Variants in CDH13 observed in about 807,000 individuals in gnomAD.
The protein encoded by CDH13 is cadherin-13.
In CDH13, 24 loss-of-function variants were observed where a neutral mutation model predicts 63.8. The observed-to-expected ratio is 0.38, with a 90% CI of 0.27 to 0.53. The LOEUF (loss-of-function observed/expected upper bound fraction) is 0.53. Ranked by LOEUF, CDH13 falls within the 20% of genes least tolerant of loss-of-function variation. The pLI, the probability that CDH13 is intolerant of heterozygous loss-of-function variation, is 0.85. For synonymous variants in CDH13, 503 were observed against 355.3 expected, an observed-to-expected ratio of 1.42 and a Z score of -4.67; for missense variants, 1,049 against 903.1, an observed-to-expected ratio of 1.16 and a Z score of -2.07.
chr16:83,281,997 T>C (rs2089189930), intron 5 of CDH13, among the ~76,000 whole-genome samples: 2 of 152,166 alleles, frequency 1.3e-5, no homozygotes, highest in South Asian at 4.1e-4. Context: ...TCTCTTCTTT[T>C]CACTTGAACA....
chr16:83,679,648 A>G (rs893737628), intron 10 of CDH13, among the ~76,000 whole-genome samples: 2 of 152,330 alleles, frequency 1.3e-5, no homozygotes, highest in East Asian at 3.9e-4. Context: ...TTGCTATCTG[A>G]CAATGGAAAC....
intron 7 of CDH13, among the ~76,000 whole-genome samples, chr16:83,552,484 G>A (rs1035905475): frequency 6.6e-6 from 1 of 152,176 alleles, no homozygotes; most frequent in Non-Finnish European, 1.5e-5. Flanking sequence ...CCGTCTCCTA[G>A]TCAGGCATTA....
chr16:83,365,691 A>G (rs558693746), intron 6 of CDH13, among the ~76,000 whole-genome samples: 1 of 152,182 alleles, frequency 6.6e-6, no homozygotes, highest in Non-Finnish European at 1.5e-5. Flanking sequence ...TTTAAAGCAG[A>G]AGAGGAAGGC....
rs67312035 is a variant in CDH13 at position 83,043,490 on chromosome 16, A to AGTGTGTGT, written c.366+11303_366+11310dup. 3.0e-3 allele frequency among the ~76,000 whole-genome samples: 394 copies of AGTGTGTGT among 132,224 alleles called. 2 individuals are homozygous for AGTGTGTGT. The highest frequency in any genetic ancestry group is 9.6e-3 in the African/African-American group (374 of 38,976). 86.7% of individuals were successfully genotyped at this position (132,224 alleles called of 152,430 possible). On this transcript the variant is annotated intron_variant, in intron 3 of 13. Coordinates refer to ENST00000567109, the MANE Select transcript of CDH13 (RefSeq NM_001257.5). Reference sequence around the variant, plus strand: ...AATTTATATAATAACTGTATATATGAGTGTGTGTGTGTGTGTGTGTGTGTG... The same window carrying AGTGTGTGT: ...AATTTATATAATAACTGTATATATGAGTGTGTGTGTGTGTGTGTGTGTGTGTGTGTGTG...
chr16:83,668,292 C>G (rs1217560778), intron 8 of CDH13, among the ~76,000 whole-genome samples: 1 of 152,182 alleles, frequency 6.6e-6, no homozygotes, highest in Non-Finnish European at 1.5e-5. Context: ...TAGCACCATG[C>G]AAGAGACTGG....
chr16:83,697,248 T>A (rs1905529601), intron 10 of CDH13, among the ~76,000 whole-genome samples: 2 of 152,222 alleles, frequency 1.3e-5, no homozygotes, highest in African/African-American at 4.8e-5. Flanking sequence ...ACAGTTGAGC[T>A]CAAACAAGGC....
At chr16:83,101,154 A>AAT (rs1048162689) in intron 3 of CDH13, among the ~76,000 whole-genome samples, 2 of 151,604 alleles carry the variant, frequency 1.3e-5, no homozygotes, top group African/African-American at 4.8e-5. Flanking sequence ...TTACATTTAT[A>AAT]ATATATATTT....
At chr16:83,413,403 C>T (rs567784106) in intron 6 of CDH13, among the ~76,000 whole-genome samples, 1 of 152,150 alleles carries the variant, frequency 6.6e-6, no homozygotes, top group Non-Finnish European at 1.5e-5. Context: ...CACTCCTCCT[C>T]CATAGTCCAT....
intron 10 of CDH13, among the ~76,000 whole-genome samples, chr16:83,697,521 G>T (rs1905563561): frequency 1.3e-5 from 2 of 152,216 alleles, no homozygotes; most frequent in African/African-American, 4.8e-5. Flanking sequence ...TGCAATGTTA[G>T]TGATCAACTG....
rs1161130563 is a variant in CDH13 at position 83,307,060 on chromosome 16, A to G, written c.637-37802A>G. On this transcript the variant is annotated intron_variant, in intron 5 of 13. Transcript: ENST00000567109. ...AGCTCTTCAAAGTTCAGCTCCACAT[A>G]TAAGCTACAGTTGGGTGGGGCTGTC... is the stretch of plus-strand genomic sequence containing the variant. Among the ~76,000 whole-genome samples the G allele has an allele frequency of 3.3e-5, 5 of 152,308 alleles. No homozygotes were observed. The East Asian group carries it at 5.8e-4, about 18-fold the overall frequency.
At chr16:83,286,384 G>A (rs772904222) in intron 5 of CDH13, among the ~76,000 whole-genome samples, 71 of 152,154 alleles carry the variant, frequency 4.7e-4, no homozygotes, top group Non-Finnish European at 2.8e-4. Context: ...GTATGTTTGT[G>A]TAGAATTTAA....
chr16:83,135,687 G>C (rs2036250846), intron 4 of CDH13, among the ~76,000 whole-genome samples: 2 of 152,200 alleles, frequency 1.3e-5, no homozygotes. Context: ...TCTACCCAGA[G>C]GAAAAGAAGT....
chr16:83,781,102 C>T lies in CDH13; in HGVS notation c.1915+901C>T, dbSNP rs1915489576. Among the ~76,000 whole-genome samples the T allele has an allele frequency of 2.0e-5, 3 of 152,242 alleles. No individual in the cohort carries two copies. In the East Asian group the frequency reaches 5.8e-4, roughly 29 times the overall value. On this transcript the variant is annotated intron_variant, in intron 12 of 13. Transcript: ENST00000567109. ...TTTGATGTCTTCTTCCATGCATCTT[C>T]TTTCTCCTTTATAAAACTTGCAAGC... is the stretch of plus-strand genomic sequence containing the variant.
intron 6 of CDH13, among the ~76,000 whole-genome samples, chr16:83,407,457 G>C (rs1176307682): frequency 6.6e-6 from 1 of 152,196 alleles, no homozygotes; most frequent in Non-Finnish European, 1.5e-5. Flanking sequence ...AAGCAGATCT[G>C]TGAAAAAGCT....
intron 10 of CDH13, among the ~76,000 whole-genome samples, chr16:83,726,564 G>A (rs776897445): frequency 6.6e-6 from 1 of 152,186 alleles, no homozygotes; most frequent in Non-Finnish European, 1.5e-5. Context: ...GGCTGGGCAC[G>A]GTGGCTCACG....
chr16:83,540,083 T>G (rs1472995092), intron 7 of CDH13, among the ~76,000 whole-genome samples: 1 of 136,906 alleles, frequency 7.3e-6, no homozygotes, highest in Non-Finnish European at 1.6e-5. Flanking sequence ...TTTTTTTTTT[T>G]GAGATGGAGT....
rs113051515 is a variant in CDH13 at position 83,339,608 on chromosome 16, C to G, written c.637-5254C>G. On this transcript the variant is annotated intron_variant, in intron 5 of 13. Transcript: ENST00000567109. ...TGCATGCTCTGCTCAGGGCCCGGAT[C>G]TGGTGTGTCAGCAGGATTCAGTATC... Among the ~76,000 whole-genome samples the G allele has an allele frequency of 3.9e-5, 6 of 152,258 alleles. 1 individual carries two copies. Among genetic ancestry groups the G allele is most frequent in the African/African-American group, 1.4e-4 (6 of 41,542 alleles).
intron 2 of CDH13, among the ~76,000 whole-genome samples, chr16:82,916,867 C>G (rs777255471): frequency 1.3e-5 from 2 of 152,120 alleles, no homozygotes; most frequent in Non-Finnish European, 2.9e-5. Context: ...TTTTATGTGA[C>G]ACATTTAGGT....
chr16:82,661,724 G>C (rs927710418), intron 1 of CDH13, among the ~76,000 whole-genome samples: 6 of 152,208 alleles, frequency 3.9e-5, no homozygotes, highest in Non-Finnish European at 1.5e-5. Flanking sequence ...GTACATTGTA[G>C]GAACCAGACT....
Sources: allele counts gnomAD v4.1 joint callset (sites outside exome capture counted in the v4.1 genomes callset), GRCh38; gene constraint gnomAD v4.1.1; transcripts MANE v1.5; gene names NCBI Gene and HGNC (gene_info 2026-07-23, HGNC 2026-07-21).